Variants in KBTBD12 observed in about 807,000 individuals in gnomAD.
KBTBD12 encodes kelch repeat and BTB domain-containing protein 12.
In KBTBD12, 53 loss-of-function variants were observed where a neutral mutation model predicts 58.7. The ratio of observed to expected loss-of-function variants is 0.90; its 90% CI spans 0.72 to 1.14. KBTBD12 has a LOEUF of 1.14. Ranked by LOEUF, KBTBD12 falls within the 50% of genes most tolerant of loss-of-function variation. The pLI is 0.00. For synonymous variants in KBTBD12, 236 were observed against 259.8 expected, an observed-to-expected ratio of 0.91 and a Z score of 0.88; for missense variants, 704 against 751.3, an observed-to-expected ratio of 0.94 and a Z score of 0.74.
intron 4 of KBTBD12, among the ~76,000 whole-genome samples, chr3:127,955,039 GC>G: frequency 6.6e-6 from 1 of 152,310 alleles, no homozygotes; most frequent in East Asian, 1.9e-4. Context: ...CTGAAAGCCA[GC>G]CCAGGGCCTG....
chr3:127,933,892 G>T, intron 4 of KBTBD12, among the ~76,000 whole-genome samples: 1 of 152,064 alleles, frequency 6.6e-6, no homozygotes, highest in Non-Finnish European at 1.5e-5. Flanking sequence ...AGGTAAATTA[G>T]TTAAAAACAA....
chr3:127,965,784 A>G (rs1940552124), intron 5 of KBTBD12, among the ~76,000 whole-genome samples: 1 of 152,236 alleles, frequency 6.6e-6, no homozygotes, highest in African/African-American at 2.4e-5. Context: ...AGTAAGTCGA[A>G]TAAACACAGA....
intron 3 of KBTBD12, among the ~76,000 whole-genome samples, chr3:127,929,386 A>C (rs1939647975): frequency 1.3e-5 from 2 of 152,118 alleles, no homozygotes; most frequent in South Asian, 4.1e-4. Flanking sequence ...CTTGTATCCC[A>C]AAAAAATGGC....
rs750566400 is a variant in KBTBD12 at position 127,923,740 on chromosome 3, CCTT to C, written c.683_685del (p.Ser228del). 80 of 1,613,756 alleles carry C rather than the reference CCTT, an allele frequency of 5.0e-5. No individual in the cohort carries two copies. In the African/African-American group the frequency reaches 9.7e-4, roughly 20 times the overall value. On this transcript the variant is annotated inframe_deletion, in exon 2 of 6. Coordinates refer to ENST00000405109, the MANE Select transcript of KBTBD12 (RefSeq NM_207335.4). Reference sequence around the variant, plus strand: ...GCAAGTCAGATTGGAACTTGTAAATCCTTCTTTTTTAAGACAAGCCCTAAGAAG... The same window carrying C: ...GCAAGTCAGATTGGAACTTGTAAATCCTTTTTTAAGACAAGCCCTAAGAAG...
intron 3 of KBTBD12, 108 bp downstream of exon 3, chr3:127,928,142 G>A (rs1412130463): frequency 5.4e-6 from 5 of 932,372 alleles, no homozygotes; most frequent in Non-Finnish European, 8.2e-6. Flanking sequence ...CTTACATTTT[G>A]GTAAAATGCT....
Position 127,928,584 on chromosome 3 carries a change from G to A in KBTBD12, c.1341+550G>A, listed in dbSNP as rs376436351. Among the ~76,000 whole-genome samples the A allele has an allele frequency of 1.6e-4, 24 of 152,356 alleles. No homozygotes were observed. The South Asian group carries it at 5.0e-3, about 32-fold the overall frequency. ...GCTGTTTCTATTGAAGCCCAGTGAAGTGATGGCAAACCAAAGTGAAAAGTC... is the reference window on the plus strand; with the variant it reads ...GCTGTTTCTATTGAAGCCCAGTGAAATGATGGCAAACCAAAGTGAAAAGTC... On this transcript the variant is annotated intron_variant, in intron 3 of 5. Coordinates refer to ENST00000405109, the MANE Select transcript of KBTBD12 (RefSeq NM_207335.4).
At chr3:127,958,143 C>T (rs1316656755) in intron 4 of KBTBD12, among the ~76,000 whole-genome samples, 4 of 152,040 alleles carry the variant, frequency 2.6e-5, no homozygotes, top group Non-Finnish European at 5.9e-5. Flanking sequence ...GAAGGGCAGA[C>T]CAGGCATGTG....
Position 127,963,241 on chromosome 3 carries a change from C to T in KBTBD12, c.1545C>T (p.Asp515=), listed in dbSNP as rs751500751. Residue 515 remains aspartate (D), a synonymous_variant, in exon 5 of 6, where the codon GAC becomes GAT. Coordinates refer to ENST00000405109, the MANE Select transcript of KBTBD12 (RefSeq NM_207335.4). ...AGGGCCAGGTTCGAAAATGCCTTGA[C>T]GTGGTGGAGATCTACAACCCAGATG... is the stretch of plus-strand genomic sequence containing the variant. ...QDKGQVRKCL[D]VVEIYNPDGD... 27 of 1,612,664 alleles carry T rather than the reference C, an allele frequency of 1.7e-5. No homozygotes were observed. The highest frequency in any genetic ancestry group is 1.1e-4 in the East Asian group (5 of 44,836).
intron 4 of KBTBD12, among the ~76,000 whole-genome samples, chr3:127,934,261 C>T (rs1210088962): frequency 6.6e-6 from 1 of 152,068 alleles, no homozygotes; most frequent in East Asian, 1.9e-4. Context: ...TAGAAATTAT[C>T]TAAAAGAACC....
In KBTBD12 at chr3:127,984,413, T is replaced by C. The variant is rs146001661; in HGVS notation, c.*135T>C. On this transcript the variant is annotated 3_prime_UTR_variant, in exon 6 of 6. Coordinates refer to ENST00000405109, the MANE Select transcript of KBTBD12 (RefSeq NM_207335.4). ...CTGTGTGTGAAGAAGCAGTGTGTGC[T>C]GGGCACTGGGTGGGGAGCATGGGGA... 339 of 806,802 alleles carry C rather than the reference T, an allele frequency of 4.2e-4. 1 individual carries two copies. The African/African-American group carries it at 5.2e-3, about 12-fold the overall frequency. The allele number at this position is 806,802 out of a possible 1,614,324, so 50.0% of individuals were successfully genotyped here. A position where few individuals can be genotyped will look rare whatever the true frequency, so the allele number is the denominator to read the frequency against.
chr3:127,975,115 G>A (rs1314397691), intron 5 of KBTBD12, among the ~76,000 whole-genome samples: 1 of 152,216 alleles, frequency 6.6e-6, no homozygotes, highest in Non-Finnish European at 1.5e-5. Flanking sequence ...AGTAAGATGG[G>A]AAAGGAGGGG....
In KBTBD12 at chr3:127,923,788, G is replaced by A. The variant is rs745605523; in HGVS notation, c.727G>A (p.Asp243Asn). The A allele has an allele frequency of 6.2e-7, 1 of 1,613,886 alleles. No individual in the cohort carries two copies. Among genetic ancestry groups the A allele is most frequent in the African/African-American group, 1.3e-5 (1 of 75,040 alleles). ...ALRRNTMLLC[D>N]ADCVDIIQNA... Reference sequence around the variant, plus strand: ...AAGAAGGAACACAATGCTTCTGTGTGATGCAGATTGTGTTGACATAATTCA... The same window carrying A: ...AAGAAGGAACACAATGCTTCTGTGTAATGCAGATTGTGTTGACATAATTCA... The change falls in exon 2 of 6, where the codon GAT becomes AAT. Residue 243 changes from aspartate (D) to asparagine (N), a missense_variant. Coordinates refer to ENST00000405109, the MANE Select transcript of KBTBD12 (RefSeq NM_207335.4).
chr3:127,955,529 G>T (rs2107606024), intron 4 of KBTBD12, among the ~76,000 whole-genome samples: 1 of 152,286 alleles, frequency 6.6e-6, no homozygotes, highest in East Asian at 1.9e-4. Flanking sequence ...TTTGAAAAGT[G>T]TAAGTCTCAA....
rs188253738 is a variant in KBTBD12, at chr3:127,969,906, G to A, written c.1690+6520G>A. ...GGCATAAATCTTGAATTAGGTGATG[G>A]TTTCTTAGAAATGCCAAAGCACACA... On this transcript the variant is annotated intron_variant, in intron 5 of 5. Transcript: ENST00000405109. Among the ~76,000 whole-genome samples, 20 of 151,956 alleles carry A rather than the reference G, an allele frequency of 1.3e-4. No individual in the cohort carries two copies. The East Asian group carries it at 3.9e-3, about 29-fold the overall frequency.
chr3:127,969,032 G>A (rs11718254), intron 5 of KBTBD12, among the ~76,000 whole-genome samples: 24,013 of 152,070 alleles, frequency 0.16, 2,148 homozygotes, highest in South Asian at 0.32. Context: ...CAGGAACAAG[G>A]CATGAATGCC....
chr3:127,927,256 G>A (rs1032152262), intron 2 of KBTBD12, among the ~76,000 whole-genome samples: 9 of 152,138 alleles, frequency 5.9e-5, no homozygotes, highest in Admixed American at 5.9e-4. Context: ...AACTACAACA[G>A]TTCTTAAAAT....
intron 2 of KBTBD12, among the ~76,000 whole-genome samples, chr3:127,925,819 A>T (rs1408603753): frequency 2.0e-5 from 3 of 152,162 alleles, no homozygotes; most frequent in Non-Finnish European, 4.4e-5. Context: ...ATCTCCTAGC[A>T]CTACTGAAGG....
chr3:127,935,409 G>A (rs1939807609), intron 4 of KBTBD12, among the ~76,000 whole-genome samples: 1 of 152,116 alleles, frequency 6.6e-6, no homozygotes, highest in Non-Finnish European at 1.5e-5. Context: ...GGATGATAAA[G>A]TAAAATACAT....
Position 127,984,427 on chromosome 3 carries a change from G to T in KBTBD12, c.*149G>T. The T allele has an allele frequency of 1.5e-6, 1 of 678,870 alleles. No individual in the cohort carries two copies. The highest frequency in any genetic ancestry group is 2.0e-5 in the South Asian group (1 of 49,166). 42.1% of individuals were successfully genotyped at this position (678,870 alleles called of 1,614,324 possible). A position where few individuals can be genotyped will look rare whatever the true frequency, so the allele number is the denominator to read the frequency against. On this transcript the variant is annotated 3_prime_UTR_variant, in exon 6 of 6. Transcript: ENST00000405109. ...GCAGTGTGTGCTGGGCACTGGGTGG[G>T]GAGCATGGGGAGTCTCCCTTCAGGG...
Sources: gnomAD v4.1 joint callset for allele counts (sites outside exome capture counted in the v4.1 genomes callset) on GRCh38, gnomAD v4.1.1 for gene constraint, MANE v1.5 for transcripts, NCBI Gene and HGNC (gene_info 2026-07-23, HGNC 2026-07-21) for gene names.